STK32A: variants seen among roughly 807,000 people sequenced by gnomAD.
STK32A encodes the protein serine/threonine kinase 32A, also known as serine/threonine-protein kinase 32A.
Under a neutral mutation model 53.2 loss-of-function variants are expected in STK32A, and 41 were observed. The ratio of observed to expected loss-of-function variants is 0.77; its 90% CI spans 0.60 to 1.00. The LOEUF (loss-of-function observed/expected upper bound fraction) is 1.00, where lower values mean the gene tolerates loss of function less well. Ranked by LOEUF, STK32A falls within the 50% of genes least tolerant of loss-of-function variation. The pLI is 0.00. For missense variants in STK32A, 458 were observed against 485.8 expected, an observed-to-expected ratio of 0.94 and a Z score of 0.54; for synonymous variants, 166 against 162.8, an observed-to-expected ratio of 1.02 and a Z score of -0.15.
downstream of STK32A, chr5:147,392,099 T>A (rs900158149): frequency 7.2e-5 from 11 of 152,112 alleles, no homozygotes; most frequent in African/African-American, 2.7e-4. Context: ...GTCAATGAGG[T>A]ATATGCTTCA....
At chr5:147,300,847 T>C (rs1753095095) in intron 4 of STK32A, among the ~76,000 whole-genome samples, 1 of 152,192 alleles carries the variant, frequency 6.6e-6, no homozygotes, top group Non-Finnish European at 1.5e-5. Context: ...CTACTTTGAA[T>C]GACAGTGATA....
intron 4 of STK32A, among the ~76,000 whole-genome samples, chr5:147,281,211 A>C (rs996871827): frequency 6.6e-6 from 1 of 152,170 alleles, no homozygotes; most frequent in Non-Finnish European, 1.5e-5. Context: ...GATGCCCCCC[A>C]AAAATCACAC....
intron 11 of STK32A, among the ~76,000 whole-genome samples, chr5:147,382,420 G>A (rs1757489204): frequency 6.6e-6 from 1 of 151,824 alleles, no homozygotes; most frequent in African/African-American, 2.4e-5. Flanking sequence ...TAGATCTACT[G>A]TTAGGTCTTT....
the STK32A span, among the ~76,000 whole-genome samples, chr5:147,397,436 A>C: frequency 1.3e-5 from 2 of 152,194 alleles, no homozygotes; most frequent in African/African-American, 4.8e-5. Flanking sequence ...AAAGTACTAT[A>C]AAAATGTGGG....
chr5:147,345,753 T>C (rs1462496457), intron 6 of STK32A, among the ~76,000 whole-genome samples: 1 of 152,166 alleles, frequency 6.6e-6, no homozygotes, highest in Non-Finnish European at 1.5e-5. Flanking sequence ...ATCATTCCAG[T>C]GTGCCAGAGA....
intron 1 of STK32A, among the ~76,000 whole-genome samples, chr5:147,235,431 G>A (rs985646627): frequency 3.3e-5 from 5 of 152,196 alleles, no homozygotes; most frequent in Non-Finnish European, 4.4e-5. Flanking sequence ...AATATTTGCT[G>A]GGTTGAGACA....
At chr5:147,262,686 A>G (rs1435472625) in intron 2 of STK32A, among the ~76,000 whole-genome samples, 1 of 152,154 alleles carries the variant, frequency 6.6e-6, no homozygotes. Context: ...TCTTCCTAAT[A>G]TGACAGGTAG....
At chr5:147,338,252 G>T (rs1345060406) in intron 5 of STK32A, among the ~76,000 whole-genome samples, 1 of 152,114 alleles carries the variant, frequency 6.6e-6, no homozygotes, top group African/African-American at 2.4e-5. Flanking sequence ...AGTCTCATGA[G>T]ATATGATGGT....
intron 5 of STK32A, among the ~76,000 whole-genome samples, chr5:147,339,063 T>C (rs1257801916): frequency 6.6e-6 from 1 of 152,170 alleles, no homozygotes; most frequent in Non-Finnish European, 1.5e-5. Flanking sequence ...AGCAAAATGT[T>C]AATGGCCAAG....
At chr5:147,340,416 C>A (rs1489224999) in intron 5 of STK32A, among the ~76,000 whole-genome samples, 2 of 152,116 alleles carry the variant, frequency 1.3e-5, no homozygotes, top group African/African-American at 4.8e-5. Flanking sequence ...ATGAAAGAAA[C>A]ATTTTGTAAG....
chr5:147,399,126 C>T, the STK32A span: 4 of 1,614,192 alleles, frequency 2.5e-6, no homozygotes, highest in Non-Finnish European at 3.4e-6. Flanking sequence ...GCATCTGGAT[C>T]CCAGATGACG....
chr5:147,244,394 C>A (rs548198726), intron 2 of STK32A, among the ~76,000 whole-genome samples: 1 of 152,126 alleles, frequency 6.6e-6, no homozygotes, highest in East Asian at 1.9e-4. Flanking sequence ...GGGTATATAC[C>A]TAGTAGTGGA....
At chr5:147,335,936 C>T (rs1333114554) in intron 5 of STK32A, among the ~76,000 whole-genome samples, 3 of 152,196 alleles carry the variant, frequency 2.0e-5, no homozygotes, top group African/African-American at 7.2e-5. Flanking sequence ...GAAAGGCAAT[C>T]AAAATGACCA....
intron 4 of STK32A, among the ~76,000 whole-genome samples, chr5:147,305,291 T>C (rs1005307980): frequency 4.6e-5 from 7 of 152,114 alleles, no homozygotes; most frequent in Non-Finnish European, 1.0e-4. Flanking sequence ...AACAACCTCC[T>C]GCCTCACAGA....
At chr5:147,371,382 C>A (rs1382842331) in intron 9 of STK32A, among the ~76,000 whole-genome samples, 1 of 152,124 alleles carries the variant, frequency 6.6e-6, no homozygotes, top group Non-Finnish European at 1.5e-5. Flanking sequence ...GACTTTTGGA[C>A]TTTTGTCCCC....
intron 2 of STK32A, among the ~76,000 whole-genome samples, chr5:147,243,680 G>T (rs62380969): frequency 0.1 from 15,487 of 148,108 alleles, 921 homozygotes; most frequent in Admixed American, 0.15. Flanking sequence ...GGTGAAGTTT[G>T]CAGTGAGCTG....
At chr5:147,237,819 G>A (rs1296475662) in intron 1 of STK32A, among the ~76,000 whole-genome samples, 1 of 152,092 alleles carries the variant, frequency 6.6e-6, no homozygotes, top group Non-Finnish European at 1.5e-5. Context: ...TTTTCCTAAT[G>A]GGAAAACGAG....
At chr5:147,358,387 A>C (rs796396953) in intron 7 of STK32A, among the ~76,000 whole-genome samples, 7 of 152,282 alleles carry the variant, frequency 4.6e-5, no homozygotes, top group African/African-American at 1.7e-4. Flanking sequence ...TCTGTGGTAC[A>C]CAGAAAAGTT....
At chr5:147,347,703 A>G (rs1755757346) in intron 6 of STK32A, among the ~76,000 whole-genome samples, 1 of 152,198 alleles carries the variant, frequency 6.6e-6, no homozygotes, top group African/African-American at 2.4e-5. Flanking sequence ...TTCATTCCCA[A>G]GGCAATTCCT....
Sources: gnomAD v4.1 joint callset for allele counts (sites outside exome capture counted in the v4.1 genomes callset) on GRCh38, gnomAD v4.1.1 for gene constraint, MANE v1.5 for transcripts, NCBI Gene and HGNC (gene_info 2026-07-23, HGNC 2026-07-21) for gene names.